ZNF3: variants seen among roughly 807,000 people sequenced by gnomAD.
ZNF3 encodes the protein C2-H2 type zinc finger protein.
ZNF3 carries 16 observed loss-of-function variants against 36.9 expected under a neutral mutation model. The ratio of observed to expected loss-of-function variants is 0.43; its 90% CI spans 0.29 to 0.66. The LOEUF (loss-of-function observed/expected upper bound fraction) is 0.66, where lower values mean the gene tolerates loss of function less well. ZNF3 is among the 30% of genes least tolerant of loss of function. The pLI, the probability that ZNF3 is intolerant of heterozygous loss-of-function variation, is 0.13. For synonymous variants in ZNF3, 201 were observed against 201.9 expected (o/e 1.00, Z 0.04); for missense variants, 462 against 543.1 (o/e 0.85, Z 1.48).
chr7:100,074,023 C>T (rs538507393), intron 5 of ZNF3, among the ~76,000 whole-genome samples: 10 of 152,070 alleles, frequency 6.6e-5, no homozygotes, highest in East Asian at 3.9e-4. Flanking sequence ...GGTGTGGTGA[C>T]GCATGCCTAT....
At chr7:100,074,128 C>G (rs2116342234) in intron 5 of ZNF3, among the ~76,000 whole-genome samples, 1 of 152,124 alleles carries the variant, frequency 6.6e-6, no homozygotes, top group African/African-American at 2.4e-5. Context: ...GCACTCCAGC[C>G]TGGCAACAAG....
In ZNF3 at chr7:100,081,160, A is replaced by C. The variant is rs1794943139; in HGVS notation, c.-198+475T>G. 6.6e-6 allele frequency among the ~76,000 whole-genome samples: 1 copy of C among 151,720 alleles called. No individual in the cohort carries two copies. Among genetic ancestry groups the C allele is most frequent in the Non-Finnish European group, 1.5e-5 (1 of 67,960 alleles). ...ACCCCTGGAATCGGCGTCTGCACCC[A>C]CTCCCAGCCCTCGTGCTAACTGCGT... On this transcript the variant is annotated intron_variant, in intron 1 of 5. Coordinates refer to ENST00000299667, the MANE Select transcript of ZNF3 (RefSeq NM_032924.5). The surrounding 1 kb of genome is among the most constrained non-coding windows in gnomAD (Gnocchi z 4.3).
rs750083171 is a variant in ZNF3, at chr7:100,072,077, A to C, written c.407T>G (p.Leu136Arg). 6.8e-6 allele frequency: 11 copies of C among 1,614,070 alleles called. No individual in the cohort carries two copies. The East Asian group carries it at 2.2e-4, about 33-fold the overall frequency. The change falls in exon 6 of 6, where the codon CTG becomes CGG. Residue 136 changes from leucine (L) to arginine (R), a missense_variant. Transcript: ENST00000299667. ...FKEAYEREVS[L>R]KRPLGNSPGE... ...AGGGGAGTTCCCCAGCGGCCTTTTC[A>C]GACTGACTTCTCGTTCATAGGCTTC...
intron 5 of ZNF3, among the ~76,000 whole-genome samples, chr7:100,074,235 T>G (rs532211294): frequency 5.4e-4 from 82 of 152,296 alleles, no homozygotes; most frequent in African/African-American, 1.8e-3. Flanking sequence ...TGACCATGCA[T>G]GCACAAGACA....
At chr7:100,072,817 A>G (rs1322072709) in intron 5 of ZNF3, among the ~76,000 whole-genome samples, 3 of 152,218 alleles carry the variant, frequency 2.0e-5, no homozygotes, top group Admixed American at 2.0e-4. Context: ...ACGTAAGGCT[A>G]TGCAAAGAAT....
At chr7:100,077,584 T>C (rs1195721429) in intron 2 of ZNF3, 151 bp from the exon 3 acceptor site, 1 of 600,958 alleles carries the variant, frequency 1.7e-6, no homozygotes, top group Non-Finnish European at 2.5e-6. Flanking sequence ...TATTTTTTAA[T>C]TTTTTTTTTC....
Position 100,071,151 on chromosome 7 carries a change from ACT to A in ZNF3, c.1331_1332del (p.Glu444ValfsTer15), listed in dbSNP as rs745468385. 1.5e-5 allele frequency: 24 copies of A among 1,583,152 alleles called. No individual in the cohort carries two copies. Among genetic ancestry groups the A allele is most frequent in the Admixed American group, 1.2e-4 (7 of 56,382 alleles). Reference sequence around the variant, plus strand: ...ATGGGTGTGTGGCTCTTTCACGTGGACTCTCTGATATTTAACTCGGTCGTAAC... The same window carrying A: ...ATGGGTGTGTGGCTCTTTCACGTGGACTCTGATATTTAACTCGGTCGTAAC... Reference protein sequence around the residue: ...LRVTTELNIREST With the variant: ...LRVTTELNIRXST On this transcript the variant is annotated frameshift_variant, in exon 6 of 6. Transcript: ENST00000299667. LOFTEE classifies it high-confidence loss of function.
In ZNF3 at chr7:100,075,130, C is replaced by T. The variant is rs1793864508; in HGVS notation, c.271+5G>A. On this transcript the variant is annotated splice_donor_5th_base_variant and intron_variant, in intron 5 of 5. Transcript: ENST00000299667. ...GAGTTTTGTTGACAAGGCATAACTC[C>T]TTACCCAGTGAGAACACATTCCCGT... 3.1e-6 allele frequency: 5 copies of T among 1,602,904 alleles called. No homozygotes were observed. The highest frequency in any genetic ancestry group is 1.3e-5 in the African/African-American group (1 of 74,612).
chr7:100,075,726 G>T, intron 3 of ZNF3, 96 bp from the exon 4 acceptor site: 1 of 1,139,548 alleles, frequency 8.8e-7, no homozygotes, highest in Non-Finnish European at 1.3e-6. Flanking sequence ...CCGGGGTCCT[G>T]GGACAACACA....
exon 6 of ZNF3, chr7:100,064,633 G>C (rs1359464258): frequency 6.2e-7 from 1 of 1,604,666 alleles, no homozygotes. Flanking sequence ...AAGCGCTCCT[G>C]TTGTTGTCGT....
At chr7:100,067,458 A>G (rs1031809126), downstream of ZNF3, among the ~76,000 whole-genome samples, 4 of 151,996 alleles carry the variant, frequency 2.6e-5, no homozygotes, top group African/African-American at 9.7e-5. Flanking sequence ...TCAGAGAGAC[A>G]GGGGTCTCAT....
chr7:100,070,000 G>A lies in ZNF3; in HGVS notation c.*1143C>T. 1 of 985,834 alleles carries A rather than the reference G, an allele frequency of 1.0e-6. No homozygotes were observed. Among genetic ancestry groups the A allele is most frequent in the South Asian group, 4.7e-5 (1 of 21,290 alleles). 61.1% of individuals were successfully genotyped at this position (985,834 alleles called of 1,614,324 possible). A position where few individuals can be genotyped will look rare whatever the true frequency, so the allele number is the denominator to read the frequency against. ...TTCTGAAAAACTATTCTGTTTAATA[G>A]TGCACTTCATTTATGCTACAGGATG... On this transcript the variant is annotated 3_prime_UTR_variant, in exon 6 of 6. Coordinates refer to ENST00000299667, the MANE Select transcript of ZNF3 (RefSeq NM_032924.5).
In ZNF3 at chr7:100,079,434, A is replaced by C. The variant is rs938164909; in HGVS notation, c.-77+102T>G. ...TGCCCCCATGGCTTCAGGTCCAGAC[A>C]GGGCCCTTCCCCTGCTCTGTTGCCA... On this transcript the variant is annotated intron_variant, in intron 2 of 5. Coordinates refer to ENST00000299667, the MANE Select transcript of ZNF3 (RefSeq NM_032924.5). 3.3e-5 allele frequency: 5 copies of C among 152,330 alleles called. No individual in the cohort carries two copies. In the East Asian group the frequency reaches 5.8e-4, roughly 18 times the overall value. 9.4% of individuals were successfully genotyped at this position (152,330 alleles called of 1,614,324 possible).
Position 100,071,507 on chromosome 7 carries a change from G to C in ZNF3, c.977C>G (p.Thr326Ser), listed in dbSNP as rs912885769. ...ECGKAFSRSS[T>S]LIHHQRIHTG... Reference sequence around the variant, plus strand: ...GTGGATTCTCTGATGGTGAATAAGGGTTGAGCTCCTGCTGAAGGCCTTCCC... The same window carrying C: ...GTGGATTCTCTGATGGTGAATAAGGCTTGAGCTCCTGCTGAAGGCCTTCCC... The change falls in exon 6 of 6, where the codon ACC becomes AGC. Residue 326 changes from threonine to serine, a missense_variant. Thr to Ser is a moderately conservative substitution (Grantham distance 58). Coordinates refer to ENST00000299667, the MANE Select transcript of ZNF3 (RefSeq NM_032924.5). The C allele has an allele frequency of 1.9e-6, 3 of 1,605,740 alleles. No individual in the cohort carries two copies. The highest frequency in any genetic ancestry group is 1.4e-5 in the African/African-American group (1 of 72,168).
intron 5 of ZNF3, among the ~76,000 whole-genome samples, chr7:100,074,897 C>G (rs1012204305): frequency 2.6e-5 from 4 of 151,886 alleles, no homozygotes; most frequent in African/African-American, 9.7e-5. Context: ...AAAACAAATA[C>G]AAAAATTAGC....
At chr7:100,064,633 GT>G (rs1454801865) in exon 6 of ZNF3, 1 of 1,604,784 alleles carries the variant, frequency 6.2e-7, no homozygotes, top group Non-Finnish European at 8.5e-7. Flanking sequence ...AAGCGCTCCT[GT>G]TGTTGTCGTT....
downstream of ZNF3, among the ~76,000 whole-genome samples, chr7:100,069,157 A>AGAT (rs1230264270): frequency 5.3e-5 from 8 of 151,502 alleles, no homozygotes; most frequent in African/African-American, 1.7e-4. Flanking sequence ...TTTGTTGTAG[A>AGAT]GATAGGGTCT....
At chr7:100,078,337 A>G (rs1041482876) in intron 2 of ZNF3, among the ~76,000 whole-genome samples, 1 of 151,408 alleles carries the variant, frequency 6.6e-6, no homozygotes, top group Non-Finnish European at 1.5e-5. Flanking sequence ...TCTACTAAAA[A>G]TACAAAAAAT....
chr7:100,081,921 G>A (rs1307765471), upstream of ZNF3, among the ~76,000 whole-genome samples: 1 of 152,170 alleles, frequency 6.6e-6, no homozygotes, highest in African/African-American at 2.4e-5. This position sits in a 1 kb window ranked among gnomAD's most constrained non-coding sequence, Gnocchi z 4.3. Flanking sequence ...CTTTCGCTGC[G>A]GGGGCTGGCC....
Sources: gnomAD v4.1 joint callset for allele counts (sites outside exome capture counted in the v4.1 genomes callset) on GRCh38, gnomAD v4.1.1 for gene constraint, Gnocchi (gnomAD v3.1) non-coding constraint, MANE v1.5 for transcripts, NCBI Gene and HGNC (gene_info 2026-07-23, HGNC 2026-07-21) for gene names.